SEMA5A: variants seen among roughly 807,000 people sequenced by gnomAD.
The protein encoded by SEMA5A is semaphorin 5A.
In SEMA5A, 55 loss-of-function variants were observed where a neutral mutation model predicts 135.5. The observed-to-expected ratio is 0.41, with a 90% CI of 0.33 to 0.51. The LOEUF (loss-of-function observed/expected upper bound fraction) is 0.51. Among genes scored for constraint, SEMA5A ranks in the 20% least tolerant of loss-of-function variants. SEMA5A has a pLI of 0.37. For missense variants in SEMA5A, 1,290 were observed against 1,419.9 expected, an observed-to-expected ratio of 0.91 and a Z score of 1.47; for synonymous variants, 580 against 546.5, an observed-to-expected ratio of 1.06 and a Z score of -0.85.
chr5:9,448,820 T>C (rs1226273544), intron 1 of SEMA5A, among the ~76,000 whole-genome samples: 2 of 152,190 alleles, frequency 1.3e-5, no homozygotes, highest in African/African-American at 4.8e-5. Flanking sequence ...TGACATGTGA[T>C]GCTGGCTTTT....
intron 1 of SEMA5A, among the ~76,000 whole-genome samples, chr5:9,481,963 A>G (rs1027371805): frequency 1.3e-5 from 2 of 152,248 alleles, no homozygotes; most frequent in African/African-American, 4.8e-5. Context: ...TGGAAATCAC[A>G]TCTCCAAACC....
rs1258776881 is a variant in SEMA5A, at chr5:9,201,837, CCAGT to C, written c.932+114_932+117del. 25 of 965,544 alleles carry C rather than the reference CCAGT, an allele frequency of 2.6e-5. No homozygotes were observed. In the African/African-American group the frequency reaches 4.2e-4, roughly 16 times the overall value. 59.8% of individuals were successfully genotyped at this position (965,544 alleles called of 1,614,324 possible). On this transcript the variant is annotated intron_variant, in intron 9 of 22. Coordinates refer to ENST00000382496, the MANE Select transcript of SEMA5A (RefSeq NM_003966.3). Reference sequence around the variant, plus strand: ...AAGTCCTCTTTTTTTGTCTGTTAGCCCAGTAAATTAAGAAAGATTTTCTCTAAAG... The same window carrying C: ...AAGTCCTCTTTTTTTGTCTGTTAGCCAAATTAAGAAAGATTTTCTCTAAAG...
intron 13 of SEMA5A, among the ~76,000 whole-genome samples, chr5:9,131,602 C>T (rs1741422255): frequency 9.9e-6 from 1 of 101,458 alleles, no homozygotes; most frequent in Non-Finnish European, 1.8e-5. Context: ...AGCGAGACTC[C>T]ATCTCAAAAA....
chr5:9,423,692 C>T (rs1009900450), intron 2 of SEMA5A, among the ~76,000 whole-genome samples: 2 of 152,224 alleles, frequency 1.3e-5, no homozygotes, highest in African/African-American at 4.8e-5. Context: ...GTTTGATCCT[C>T]TTACAAAAGG....
chr5:9,279,957 C>A (rs1354445758), intron 5 of SEMA5A, among the ~76,000 whole-genome samples: 2 of 152,172 alleles, frequency 1.3e-5, no homozygotes. Context: ...TATCAACTTG[C>A]ATATGACCAT....
At chr5:9,231,010 C>G (rs1322617042) in intron 6 of SEMA5A, among the ~76,000 whole-genome samples, 1 of 152,020 alleles carries the variant, frequency 6.6e-6, no homozygotes, top group Admixed American at 6.6e-5. Flanking sequence ...GATGTGAATT[C>G]CAAACAAATT....
chr5:9,164,173 A>G (rs1317516880), intron 11 of SEMA5A, among the ~76,000 whole-genome samples: 2 of 136,636 alleles, frequency 1.5e-5, no homozygotes, highest in Admixed American at 1.6e-4. Flanking sequence ...ATATTTATAT[A>G]ATTATAAATA....
intron 4 of SEMA5A, among the ~76,000 whole-genome samples, chr5:9,321,372 G>A (rs2150676060): frequency 6.6e-6 from 1 of 152,278 alleles, no homozygotes; most frequent in Non-Finnish European, 1.5e-5. Context: ...GCCTCTATGA[G>A]CAGCTCAGCT....
intron 13 of SEMA5A, among the ~76,000 whole-genome samples, chr5:9,133,741 T>C (rs1579453502): frequency 6.6e-6 from 1 of 152,012 alleles, no homozygotes; most frequent in African/African-American, 2.4e-5. Flanking sequence ...GTGACCATCC[T>C]CTCTTCACTT....
chr5:9,507,515 G>A (rs780029584), intron 1 of SEMA5A, among the ~76,000 whole-genome samples: 10 of 152,082 alleles, frequency 6.6e-5, no homozygotes, highest in South Asian at 2.1e-4. Context: ...CCCTTTACAG[G>A]TTGTACTCCT....
chr5:9,280,871 TG>T (rs1180044677), intron 5 of SEMA5A: 27 of 379,440 alleles, frequency 7.1e-5, no homozygotes, highest in Admixed American at 1.6e-4. Flanking sequence ...AATAAATAAT[TG>T]TATGTGTATG....
At chr5:9,393,186 A>G (rs1038757509) in intron 2 of SEMA5A, among the ~76,000 whole-genome samples, 2 of 152,234 alleles carry the variant, frequency 1.3e-5, no homozygotes, top group African/African-American at 4.8e-5. Context: ...TCAAAATATT[A>G]AAACCTATGT....
chr5:9,311,181 G>A (rs555270873), intron 5 of SEMA5A, among the ~76,000 whole-genome samples: 13 of 151,656 alleles, frequency 8.6e-5, no homozygotes, highest in Admixed American at 4.6e-4. Flanking sequence ...TAGAAGGTTT[G>A]GTACCACCCC....
intron 5 of SEMA5A, among the ~76,000 whole-genome samples, chr5:9,276,272 A>G (rs1750256348): frequency 6.6e-6 from 1 of 152,230 alleles, no homozygotes; most frequent in African/African-American, 2.4e-5. Flanking sequence ...GGGCCTCTTC[A>G]AGGGGAACAA....
At position 9,419,613 on chromosome 5, in the gene SEMA5A, G is replaced by A. The variant is rs184519565; in HGVS notation, c.-78+18143C>T. Among the ~76,000 whole-genome samples the A allele has an allele frequency of 1.1e-3, 163 of 152,246 alleles. 1 individual carries two copies. Among genetic ancestry groups the A allele is most frequent in the African/African-American group, 3.9e-3 (160 of 41,542 alleles). The stretch of plus-strand genomic sequence containing the variant: ...TCTTCTGATTGTGTGCAAACCTAAG[G>A]AGTCACAGGTGGGCCCTGATAAGGT... On this transcript the variant is annotated intron_variant, in intron 2 of 22. Coordinates refer to ENST00000382496, the MANE Select transcript of SEMA5A (RefSeq NM_003966.3).
chr5:9,458,529 C>T (rs1008852721), intron 1 of SEMA5A, among the ~76,000 whole-genome samples: 1 of 152,192 alleles, frequency 6.6e-6, no homozygotes, highest in Non-Finnish European at 1.5e-5. Context: ...AGCAGGCACT[C>T]GCCCATACGC....
intron 1 of SEMA5A, among the ~76,000 whole-genome samples, chr5:9,456,259 T>C (rs1758830596): frequency 1.3e-5 from 2 of 152,220 alleles, no homozygotes; most frequent in Non-Finnish European, 2.9e-5. Flanking sequence ...AGGAGGAAAC[T>C]GTGTGTGGTA....
chr5:9,393,065 G>T (rs759856426), intron 2 of SEMA5A, among the ~76,000 whole-genome samples: 2 of 152,210 alleles, frequency 1.3e-5, no homozygotes, highest in Non-Finnish European at 2.9e-5. Context: ...TGAACATACG[G>T]TATCTCATCC....
chr5:9,189,695 G>A (rs1157907860), intron 11 of SEMA5A, among the ~76,000 whole-genome samples: 1 of 152,164 alleles, frequency 6.6e-6, no homozygotes, highest in African/African-American at 2.4e-5. Context: ...AACTGAGATG[G>A]AACATGCTTT....
Sources: gnomAD v4.1 joint callset for allele counts (sites outside exome capture counted in the v4.1 genomes callset) on GRCh38, gnomAD v4.1.1 for gene constraint, MANE v1.5 for transcripts, NCBI Gene and HGNC (gene_info 2026-07-23, HGNC 2026-07-21) for gene names.